SYNJ1: variants seen among roughly 807,000 people sequenced by gnomAD.
The protein encoded by SYNJ1 is polyphosphatidylinositol phosphatase SYNJ1.
SYNJ1 carries 78 observed loss-of-function variants against 168.2 expected under a neutral mutation model. The ratio of observed to expected loss-of-function variants is 0.46; its 90% CI spans 0.39 to 0.56. The LOEUF (loss-of-function observed/expected upper bound fraction) is 0.56. Ranked by LOEUF, SYNJ1 falls within the 20% of genes least tolerant of loss-of-function variation. The pLI is 0.00. For missense variants in SYNJ1, 1,303 were observed against 1,597.6 expected (o/e 0.82, Z 3.14); for synonymous variants, 539 against 548.6 (o/e 0.98, Z 0.24).
chr21:32,701,901 C>A, intron 3 of SYNJ1, 60 bp downstream of exon 3: 5 of 1,321,612 alleles, frequency 3.8e-6, no homozygotes, highest in Non-Finnish European at 5.2e-6. Flanking sequence ...CCTCTCAAAT[C>A]CTTAGAATTA....
chr21:32,700,169 C>T, intron 3 of SYNJ1, 64 bp from the exon 4 acceptor site: 3 of 1,501,300 alleles, frequency 2.0e-6, no homozygotes, highest in South Asian at 1.3e-5. Flanking sequence ...TCCATTTCTT[C>T]TTGCACCTCT....
intron 3 of SYNJ1, among the ~76,000 whole-genome samples, chr21:32,701,091 C>T (rs926160864): frequency 1.8e-4 from 27 of 152,284 alleles, no homozygotes; most frequent in African/African-American, 4.8e-4. Context: ...CCTGAGATAT[C>T]ATCTCTTATA....
intron 23 of SYNJ1, among the ~76,000 whole-genome samples, chr21:32,648,476 C>A (rs17694546): frequency 0.041 from 6,227 of 152,300 alleles, 202 homozygotes; most frequent in Non-Finnish European, 0.064. Context: ...TTCTGTGTTA[C>A]AAGACACCAC....
intron 11 of SYNJ1, among the ~76,000 whole-genome samples, chr21:32,680,089 G>A (rs565695521): frequency 6.6e-4 from 101 of 152,240 alleles, no homozygotes; most frequent in African/African-American, 2.4e-3. Context: ...GAATTATGTT[G>A]TTTAAAAGGA....
Position 32,645,679 on chromosome 21 carries a change from G to A in SYNJ1, c.3358C>T (p.Pro1120Ser). 1 of 1,516,284 alleles carries A rather than the reference G, an allele frequency of 6.6e-7. No homozygotes were observed. Among genetic ancestry groups the A allele is most frequent in the South Asian group, 1.3e-5 (1 of 75,992 alleles). The allele number at this position is 1,516,284 out of a possible 1,614,324, so 93.9% of individuals were successfully genotyped here. The change falls in exon 25 of 33, where the codon CCG becomes TCG. Residue 1120 changes from proline to serine, a missense_variant. By Grantham distance (74) the Pro-to-Ser change is moderately conservative. Around this residue, in one of 2 missense-constraint regions of SYNJ1, gnomAD observed 383 missense variants for 388.8 expected, o/e 0.99. Transcript: ENST00000674351. The stretch of plus-strand genomic sequence containing the variant: ...GGAGGAGGTCTCTGTGGGGGAGCCG[G>A]GCGTGTGGGAGGGGCGACCGGGCGG... The part of the protein sequence containing the change: ...PPRPVAPPTR[P>S]APPQRPPPPS...
intron 21 of SYNJ1, chr21:32,653,619 C>T: frequency 7.3e-6 from 3 of 410,446 alleles, no homozygotes; most frequent in South Asian, 2.5e-5. Flanking sequence ...CATTTGTGAT[C>T]ACTGCTAATC....
rs1473982637 is a variant in SYNJ1 at position 32,671,341 on chromosome 21, C to A, written c.1727-969G>T. Reference sequence around the variant, plus strand: ...AAAAAAAGAAGAGCCTATAAATAGTCTGAACTAACACTGAAATTAAAAAAA... The same window carrying A: ...AAAAAAAGAAGAGCCTATAAATAGTATGAACTAACACTGAAATTAAAAAAA... On this transcript the variant is annotated intron_variant, in intron 14 of 32. Transcript: ENST00000674351. Among the ~76,000 whole-genome samples, 6 of 151,850 alleles carry A rather than the reference C, an allele frequency of 4.0e-5. No homozygotes were observed. The South Asian group carries it at 6.2e-4, about 16-fold the overall frequency.
intron 21 of SYNJ1, among the ~76,000 whole-genome samples, chr21:32,656,375 T>C (rs575098773): frequency 1.3e-5 from 2 of 152,112 alleles, no homozygotes; most frequent in Non-Finnish European, 2.9e-5. Flanking sequence ...GCCTGGGTGG[T>C]TGGGGCTGCA....
chr21:32,710,236 TAAG>T (rs1190500771), intron 2 of SYNJ1, among the ~76,000 whole-genome samples: 4 of 151,464 alleles, frequency 2.6e-5, no homozygotes, highest in Non-Finnish European at 4.4e-5. Context: ...AATAAATAAA[TAAG>T]GAGGGAGAGA....
At chr21:32,632,666 G>A (rs28515920) in intron 32 of SYNJ1, among the ~76,000 whole-genome samples, 4,277 of 152,220 alleles carry the variant, frequency 0.028, 85 homozygotes, top group Middle Eastern at 0.15. Context: ...GATTACAGGC[G>A]TGAGCCACCA....
At chr21:32,669,851 A>G (rs922617338) in intron 15 of SYNJ1, among the ~76,000 whole-genome samples, 1 of 152,230 alleles carries the variant, frequency 6.6e-6, no homozygotes, top group Admixed American at 6.5e-5. Context: ...CAGCAGACTG[A>G]CACAGAAGTA....
At chr21:32,682,454 T>C (rs534261771) in intron 10 of SYNJ1, among the ~76,000 whole-genome samples, 6 of 152,282 alleles carry the variant, frequency 3.9e-5, no homozygotes, top group South Asian at 2.1e-4. Context: ...TCCATAATTA[T>C]AGAAGAACCA....
In SYNJ1 at chr21:32,727,768, C is replaced by A. The variant is rs559592630; in HGVS notation, c.-23+178G>T. 65 of 1,331,130 alleles carry A rather than the reference C, an allele frequency of 4.9e-5. No homozygotes were observed. The South Asian group carries it at 9.2e-4, about 19-fold the overall frequency. The allele number at this position is 1,331,130 out of a possible 1,614,324, so 82.5% of individuals were successfully genotyped here. On this transcript the variant is annotated intron_variant, in intron 1 of 32. Transcript: ENST00000674351. ...GCCCCCAGCCTGACGCGGCACCCCG[C>A]ACAACCAGTGGTCTGCTCACAACCC...
At chr21:32,701,270 A>G (rs1358236731) in intron 3 of SYNJ1, among the ~76,000 whole-genome samples, 7 of 152,202 alleles carry the variant, frequency 4.6e-5, no homozygotes, top group Admixed American at 6.5e-5. Context: ...TTACCAGCTC[A>G]CAATGAGAAA....
chr21:32,645,767 T>C lies in SYNJ1; in HGVS notation c.3270A>G (p.Pro1090=), dbSNP rs1299635688. The C allele has an allele frequency of 5.4e-6, 8 of 1,467,972 alleles. No individual in the cohort carries two copies. Among genetic ancestry groups the C allele is most frequent in the Middle Eastern group, 1.8e-4 (1 of 5,588 alleles). 90.9% of individuals were successfully genotyped at this position (1,467,972 alleles called of 1,614,324 possible). ...GGTCTTTCTGCGGCAGCGGCGTTGC[T>C]GGCTGCGCGTCAATAGGAGAACCTA... is the stretch of plus-strand genomic sequence containing the variant. ...SAQSSPIDAQ[P]ATPLPQKDPA... is the part of the protein sequence containing the mutation. Residue 1090 remains proline (P), a synonymous_variant, in exon 25 of 33, where the codon CCA becomes CCG. Transcript: ENST00000674351.
intron 2 of SYNJ1, among the ~76,000 whole-genome samples, chr21:32,725,671 T>C (rs1487833129): frequency 4.6e-5 from 7 of 152,194 alleles, no homozygotes; most frequent in Admixed American, 3.3e-4. Context: ...CTTCATTTAT[T>C]GAGGCTGGAG....
In SYNJ1 at chr21:32,701,972, C is replaced by T. The variant is rs969446324; in HGVS notation, c.200G>A (p.Arg67Gln). ...LDAYGLLGVLRLNLGDTMLHY... is the reference protein window; with the variant it reads ...LDAYGLLGVLQLNLGDTMLHY... ...AATGATAAACTTACCAAGATTTAAC[C>T]GCAGAACACCTAAGAGTCCATATGC... The change falls in exon 3 of 33, where the codon CGG becomes CAG. Residue 67 changes from arginine to glutamine, a missense_variant. This residue lies in a region of SYNJ1 where 920 missense variants were observed against 1,208.8 expected (regional missense o/e 0.76). Transcript: ENST00000674351. 4 of 1,542,134 alleles carry T rather than the reference C, an allele frequency of 2.6e-6. No homozygotes were observed. The highest frequency in any genetic ancestry group is 2.3e-5 in the East Asian group (1 of 43,690).
intron 3 of SYNJ1, 67 bp downstream of exon 3, chr21:32,701,894 C>A: frequency 7.9e-7 from 1 of 1,268,180 alleles, no homozygotes; most frequent in East Asian, 2.4e-5. Flanking sequence ...GCTAGTCCCT[C>A]TCAAATCCTT....
In SYNJ1 at chr21:32,667,348, C is replaced by T. The variant is rs112030946; in HGVS notation, c.1812-775G>A. On this transcript the variant is annotated intron_variant, in intron 15 of 32. Coordinates refer to ENST00000674351, the MANE Select transcript of SYNJ1 (RefSeq NM_203446.3). ...GAAATTAGAAGACATAATCATTAAA[C>T]AAACCACCATATACCCATTTCAAAA... 7.9e-4 allele frequency among the ~76,000 whole-genome samples: 121 copies of T among 152,230 alleles called. 1 individual carries two copies. Among genetic ancestry groups the T allele is most frequent in the African/African-American group, 2.8e-3 (116 of 41,562 alleles).
Sources: allele counts gnomAD v4.1 joint callset (sites outside exome capture counted in the v4.1 genomes callset), GRCh38; gene constraint gnomAD v4.1.1; regional missense constraint gnomAD v4.1.1; transcripts MANE v1.5; gene names NCBI Gene and HGNC (gene_info 2026-07-23, HGNC 2026-07-21).